MATN2: variants seen among roughly 807,000 people sequenced by gnomAD.
MATN2 encodes the protein matrilin 2.
MATN2 carries 69 observed loss-of-function variants against 103.2 expected under a neutral mutation model. That is an observed-to-expected ratio of 0.67 (90% CI 0.55 to 0.82). The LOEUF (loss-of-function observed/expected upper bound fraction) is 0.82. Among genes scored for constraint, MATN2 ranks in the 40% least tolerant of loss-of-function variants. MATN2 has a pLI of 0.00. For missense variants in MATN2, 1,023 were observed against 1,211.5 expected (o/e 0.84, Z 2.31); for synonymous variants, 429 against 450.2 (o/e 0.95, Z 0.60).
intron 10 of MATN2, among the ~76,000 whole-genome samples, chr8:98,010,835 T>G (rs1239036757): frequency 6.6e-6 from 1 of 152,128 alleles, no homozygotes; most frequent in Non-Finnish European, 1.5e-5. Context: ...ATACTCCCAG[T>G]CCAACTACCA....
intron 5 of MATN2, among the ~76,000 whole-genome samples, chr8:97,975,953 C>CTTTTTTTTTTTTTTTTTTTTTTTTTT (rs1563702112): frequency 6.6e-6 from 1 of 152,138 alleles, no homozygotes; most frequent in Non-Finnish European, 1.5e-5. Flanking sequence ...CTAGCTCAGT[C>CTTTTTTTTTTTTTTTTTTTTTTTTTT]TTTATGTTAT....
intron 2 of MATN2, among the ~76,000 whole-genome samples, chr8:97,900,685 C>T (rs1316922962): frequency 6.6e-6 from 1 of 152,172 alleles, no homozygotes; most frequent in Non-Finnish European, 1.5e-5. Flanking sequence ...CCTGTAATCC[C>T]AGCACTTTGG....
intron 6 of MATN2, among the ~76,000 whole-genome samples, chr8:97,988,189 T>TATATATATATATATATATATAC (rs71570279): frequency 1.8e-5 from 1 of 54,972 alleles, no homozygotes; most frequent in African/African-American, 7.8e-5. Flanking sequence ...TATATATATA[T>TATATATATATATATATATATAC]ACACACACAC....
chr8:98,003,646 C>G lies in MATN2; in HGVS notation c.1205-15C>G, dbSNP rs1812859306. 2 of 1,613,504 alleles carry G rather than the reference C, an allele frequency of 1.2e-6. No homozygotes were observed. Among genetic ancestry groups the G allele is most frequent in the Non-Finnish European group, 1.7e-6 (2 of 1,179,588 alleles). ...GTCCAGAGTCTGAAGGAAGGTCTGC[C>G]CTTCTTCCCCTCAGGGATCAACTAC... On this transcript the variant is annotated splice_polypyrimidine_tract_variant and intron_variant, in intron 7 of 18. Transcript: ENST00000254898.
chr8:98,034,761 C>T (rs926397468), intron 18 of MATN2, among the ~76,000 whole-genome samples: 3 of 152,166 alleles, frequency 2.0e-5, no homozygotes, highest in Admixed American at 1.3e-4. Context: ...AACTCCGTAT[C>T]GCCCTTTGCT....
intron 4 of MATN2, among the ~76,000 whole-genome samples, chr8:97,946,325 C>G (rs763375386): frequency 2.6e-5 from 4 of 152,190 alleles, no homozygotes; most frequent in Non-Finnish European, 5.9e-5. Flanking sequence ...AGAATTTTAT[C>G]TTCCAAGTTG....
At chr8:97,916,098 C>T (rs961835024) in intron 2 of MATN2, among the ~76,000 whole-genome samples, 1 of 136,072 alleles carries the variant, frequency 7.3e-6, no homozygotes, top group African/African-American at 2.6e-5. Flanking sequence ...GAGACAGAGT[C>T]TCACTCAGTT....
chr8:97,975,002 A>G (rs1811786919), intron 5 of MATN2, among the ~76,000 whole-genome samples: 1 of 152,238 alleles, frequency 6.6e-6, no homozygotes, highest in African/African-American at 2.4e-5. Context: ...GTTGGTTCAC[A>G]GACCACACTT....
At chr8:97,998,566 ATTTAT>A (rs918405648) in intron 7 of MATN2, among the ~76,000 whole-genome samples, 113 of 150,960 alleles carry the variant, frequency 7.5e-4, no homozygotes, top group African/African-American at 2.1e-3. Context: ...TTATTTACTA[ATTTAT>A]TTTAATTTTT....
At chr8:97,999,596 T>A (rs1185844624) in intron 7 of MATN2, among the ~76,000 whole-genome samples, 1 of 152,222 alleles carries the variant, frequency 6.6e-6, no homozygotes, top group Admixed American at 6.5e-5. Flanking sequence ...AGTTATGGCC[T>A]GCACAGGTGA....
At chr8:97,872,302 G>A (rs1023352594) in intron 1 of MATN2, among the ~76,000 whole-genome samples, 1 of 152,190 alleles carries the variant, frequency 6.6e-6, no homozygotes, top group South Asian at 2.1e-4. Flanking sequence ...GGCTGAGCAG[G>A]TGGATCAGCT....
chr8:97,967,645 G>A (rs1811526231), intron 5 of MATN2, among the ~76,000 whole-genome samples: 1 of 152,244 alleles, frequency 6.6e-6, no homozygotes, highest in Non-Finnish European at 1.5e-5. Context: ...AAGGCACACA[G>A]GTGCAAGGGG....
intron 4 of MATN2, among the ~76,000 whole-genome samples, chr8:97,942,330 G>A (rs1247466467): frequency 1.3e-5 from 2 of 152,350 alleles, no homozygotes; most frequent in South Asian, 2.1e-4. Flanking sequence ...GATTATTCAA[G>A]TTCTGTTTTA....
intron 13 of MATN2, among the ~76,000 whole-genome samples, chr8:98,023,406 C>T (rs1033206719): frequency 6.6e-6 from 1 of 152,092 alleles, no homozygotes; most frequent in Non-Finnish European, 1.5e-5. Context: ...TGTTGTGGCT[C>T]ACACCTGTAA....
In MATN2 at chr8:97,937,583, CTTTT is replaced by C. The variant is rs376203275; in HGVS notation, c.713-4174_713-4171del. Reference sequence around the variant, plus strand: ...TCTTTTAATTCCCCCTCCCCACTAACTTTTTTTTTTTTTTTTTTTTTTTGAGATG... The same window carrying C: ...TCTTTTAATTCCCCCTCCCCACTAACTTTTTTTTTTTTTTTTTTTGAGATG... On this transcript the variant is annotated intron_variant, in intron 3 of 18. Transcript: ENST00000254898. 5.6e-5 allele frequency among the ~76,000 whole-genome samples: 5 copies of C among 89,810 alleles called. No individual in the cohort carries two copies. The East Asian group carries it at 1.3e-3, about 23-fold the overall frequency. The allele number at this position is 89,810 out of a possible 152,430, so 58.9% of individuals were successfully genotyped here. A position where few individuals can be genotyped will look rare whatever the true frequency, so the allele number is the denominator to read the frequency against.
At chr8:98,033,461 T>C in intron 17 of MATN2, 100 bp from the exon 18 acceptor site, 1 of 697,506 alleles carries the variant, frequency 1.4e-6, no homozygotes, top group Non-Finnish European at 2.4e-6. Context: ...GAACATGTCT[T>C]TCATTATGGT....
chr8:97,977,265 A>G (rs941597637), intron 5 of MATN2, among the ~76,000 whole-genome samples: 10 of 129,932 alleles, frequency 7.7e-5, no homozygotes, highest in Admixed American at 6.3e-4. Context: ...AAAAAAAAAA[A>G]GACAAGAAAT....
In MATN2 at chr8:97,886,654, ACAGGCC is replaced by A. The variant is rs537912608; in HGVS notation, c.-26-1416_-26-1411del. On this transcript the variant is annotated intron_variant, in intron 1 of 18. Transcript: ENST00000254898. ...GTGAAAAACTGGACTCTGAAGGTTG[ACAGGCC>A]CAGGTCCATTCCCAGGTCAATTTCT... Among the ~76,000 whole-genome samples the A allele has an allele frequency of 4.3e-4, 66 of 152,330 alleles. No individual in the cohort carries two copies. The East Asian group carries it at 0.012, about 28-fold the overall frequency.
chr8:97,882,715 A>G (rs775404453), intron 1 of MATN2, among the ~76,000 whole-genome samples: 3 of 152,092 alleles, frequency 2.0e-5, no homozygotes, highest in Non-Finnish European at 4.4e-5. Flanking sequence ...GTTTCTTCAC[A>G]TCTTCACCAA....
Sources: gnomAD v4.1 joint callset for allele counts (sites outside exome capture counted in the v4.1 genomes callset) on GRCh38, gnomAD v4.1.1 for gene constraint, MANE v1.5 for transcripts, NCBI Gene and HGNC (gene_info 2026-07-23, HGNC 2026-07-21) for gene names.